LOC400499: variants seen among roughly 807,000 people sequenced by gnomAD.
the LOC400499 span, chr16:11,384,755 G>T: frequency 1.3e-6 from 1 of 754,474 alleles, no homozygotes; most frequent in Non-Finnish European, 1.8e-6. Flanking sequence ...GGGCACACGC[G>T]CTGCCATGCT....
At chr16:11,476,559 T>A in the LOC400499 span, among the ~76,000 whole-genome samples, 400 of 152,170 alleles carry the variant, frequency 2.6e-3, no homozygotes, top group Non-Finnish European at 4.2e-3. Flanking sequence ...ATATGTCTGA[T>A]CATGTGTACT....
chr16:11,468,451 G>C, the LOC400499 span, among the ~76,000 whole-genome samples: 20 of 152,124 alleles, frequency 1.3e-4, no homozygotes, highest in Non-Finnish European at 2.6e-4. Context: ...AGTCTCCTGA[G>C]TAGCTGAGAC....
chr16:11,416,152 G>A, the LOC400499 span, among the ~76,000 whole-genome samples: 5 of 151,926 alleles, frequency 3.3e-5, no homozygotes, highest in African/African-American at 1.2e-4. Context: ...GTTTCACCAT[G>A]TTGGCCAGGC....
chr16:11,383,319 A>G, the LOC400499 span, among the ~76,000 whole-genome samples: 8,267 of 152,134 alleles, frequency 0.054, 771 homozygotes, highest in African/African-American at 0.19. Flanking sequence ...CACCCACCTC[A>G]GCCTCCCAAA....
the LOC400499 span, among the ~76,000 whole-genome samples, chr16:11,508,236 G>A: frequency 1.3e-5 from 2 of 152,192 alleles, no homozygotes; most frequent in Non-Finnish European, 2.9e-5. Context: ...CATCATCACA[G>A]CACAGCCTCA....
the LOC400499 span, chr16:11,516,006 TGTGTAGCCA>T: frequency 2.5e-6 from 1 of 399,610 alleles, no homozygotes; most frequent in East Asian, 3.6e-5. Context: ...TCCTTTGTCT[TGTGTAGCCA>T]GTCCCCATGG....
At chr16:11,424,674 G>A in the LOC400499 span, among the ~76,000 whole-genome samples, 2 of 152,196 alleles carry the variant, frequency 1.3e-5, no homozygotes, top group Non-Finnish European at 2.9e-5. Context: ...GGAAACAGGG[G>A]TCTGATTGTG....
At chr16:11,391,355 T>G in the LOC400499 span, among the ~76,000 whole-genome samples, 1 of 151,776 alleles carries the variant, frequency 6.6e-6, no homozygotes, top group South Asian at 2.1e-4. Flanking sequence ...GGCAGTGAGC[T>G]TCACAGAAAC....
chr16:11,461,115 C>T, the LOC400499 span: 20 of 1,533,672 alleles, frequency 1.3e-5, no homozygotes, highest in Admixed American at 2.0e-5. Flanking sequence ...TCCTCTCCAG[C>T]AGTGCTGCAG....
chr16:11,381,520 T>TAATA, the LOC400499 span, among the ~76,000 whole-genome samples: 2 of 152,196 alleles, frequency 1.3e-5, no homozygotes. Context: ...TCCATCTTCT[T>TAATA]AATAGAGTCT....
At chr16:11,391,321 C>T in the LOC400499 span, among the ~76,000 whole-genome samples, 1 of 152,112 alleles carries the variant, frequency 6.6e-6, no homozygotes, top group Non-Finnish European at 1.5e-5. Flanking sequence ...TTGAGCTCAT[C>T]GTGGAACCAG....
chr16:11,387,137 C>T, the LOC400499 span: 4,380 of 1,232,264 alleles, frequency 3.6e-3, 12 homozygotes, highest in Admixed American at 6.2e-3. Context: ...CAGCAGGCGG[C>T]GTCTGAGCCA....
At chr16:11,386,808 T>C in the LOC400499 span, among the ~76,000 whole-genome samples, 1 of 152,088 alleles carries the variant, frequency 6.6e-6, no homozygotes, top group Non-Finnish European at 1.5e-5. Flanking sequence ...GACCGGCGAG[T>C]CTGAAGTCAG....
the LOC400499 span, among the ~76,000 whole-genome samples, chr16:11,476,093 G>A: frequency 2.0e-5 from 3 of 151,818 alleles, no homozygotes; most frequent in African/African-American, 4.8e-5. Context: ...AGGCCCTGGG[G>A]TAGGAACAAG....
the LOC400499 span, among the ~76,000 whole-genome samples, chr16:11,445,087 T>TC: frequency 1.8e-5 from 1 of 54,748 alleles, no homozygotes; most frequent in African/African-American, 7.2e-5. Context: ...AGACTTTGTC[T>TC]TTAAAAAAAA....
the LOC400499 span, chr16:11,435,579 G>C: frequency 2.5e-6 from 1 of 398,702 alleles, no homozygotes; most frequent in South Asian, 1.3e-4. Context: ...GCCTCTGAGT[G>C]AGGATCTCCC....
At chr16:11,394,541 T>G in the LOC400499 span, among the ~76,000 whole-genome samples, 1 of 152,204 alleles carries the variant, frequency 6.6e-6, no homozygotes, top group African/African-American at 2.4e-5. Context: ...TGTTAAGGGT[T>G]GAATTTTGTT....
the LOC400499 span, among the ~76,000 whole-genome samples, chr16:11,398,087 C>G: frequency 5.9e-5 from 9 of 152,274 alleles, no homozygotes; most frequent in East Asian, 1.7e-3. Flanking sequence ...CAAGGCTGAG[C>G]ATTCCCGCAT....
chr16:11,511,896 G>A, the LOC400499 span, among the ~76,000 whole-genome samples: 87,995 of 151,286 alleles, frequency 0.58, 25,921 homozygotes, highest in Admixed American at 0.65. Context: ...GCATGGTGGC[G>A]CACAGCTGTA....
Sources: gnomAD v4.1 joint callset for allele counts (sites outside exome capture counted in the v4.1 genomes callset) on GRCh38, gnomAD v4.1.1 for gene constraint, MANE v1.5 for transcripts.